Variants in FAM171A1 observed in about 807,000 individuals in gnomAD.
FAM171A1 encodes family with sequence similarity 171 member A1.
A neutral mutation model predicts 74.9 loss-of-function variants in FAM171A1; 23 were observed. The ratio of observed to expected loss-of-function variants is 0.31; its 90% CI spans 0.22 to 0.44. The LOEUF is 0.44. Ranked by LOEUF, FAM171A1 falls within the 20% of genes least tolerant of loss-of-function variation. The probability of loss-of-function intolerance (pLI) is 1.00; values close to 1 mark genes in which losing one functional copy is unlikely to be tolerated. For missense variants in FAM171A1, 1,162 were observed against 1,159.2 expected (o/e 1.00, Z -0.03); for synonymous variants, 527 against 505.7 (o/e 1.04, Z -0.57).
In FAM171A1 at chr10:15,331,880, C is replaced by CATATATAT. The variant is rs71390031; in HGVS notation, c.97+39068_97+39075dup. ...GTGTGTATATATATGTGTGTGTATA[C>CATATATAT]ATATATATATATATATGAAACAATT... On this transcript the variant is annotated intron_variant, in intron 1 of 7. Coordinates refer to ENST00000378116, the MANE Select transcript of FAM171A1 (RefSeq NM_001010924.2). 2.0e-4 allele frequency among the ~76,000 whole-genome samples: 12 copies of CATATATAT among 59,676 alleles called. 1 individual carries two copies. In the Admixed American group the frequency reaches 2.2e-3, roughly 11 times the overall value. The allele number at this position is 59,676 out of a possible 152,430, so 39.1% of individuals were successfully genotyped here. A position where few individuals can be genotyped will look rare whatever the true frequency, so the allele number is the denominator to read the frequency against.
At chr10:15,292,376 C>T (rs970813279) in intron 1 of FAM171A1, among the ~76,000 whole-genome samples, 1 of 152,172 alleles carries the variant, frequency 6.6e-6, no homozygotes, top group African/African-American at 2.4e-5. Flanking sequence ...CATCTTTCTG[C>T]CATTCTTTCT....
intron 1 of FAM171A1, among the ~76,000 whole-genome samples, chr10:15,293,514 A>G (rs1442280589): frequency 6.7e-6 from 1 of 148,402 alleles, no homozygotes; most frequent in African/African-American, 2.5e-5. Flanking sequence ...AATGTGCCAG[A>G]AAGCAAAAAG....
chr10:15,287,341 C>G (rs1366475435), intron 1 of FAM171A1, among the ~76,000 whole-genome samples: 1 of 151,592 alleles, frequency 6.6e-6, no homozygotes, highest in African/African-American at 2.4e-5. Flanking sequence ...ATCTGCCCAC[C>G]TCAGCCTCCC....
At chr10:15,234,612 A>G (rs1009679449) in intron 5 of FAM171A1, among the ~76,000 whole-genome samples, 8 of 151,434 alleles carry the variant, frequency 5.3e-5, no homozygotes, top group African/African-American at 1.9e-4. Context: ...TAGCCTAGCG[A>G]CCAGTCTGAT....
chr10:15,351,495 T>C (rs1319318072), intron 1 of FAM171A1, among the ~76,000 whole-genome samples: 2 of 152,154 alleles, frequency 1.3e-5, no homozygotes, highest in African/African-American at 2.4e-5. Context: ...TGAAAGCACT[T>C]GAAAATCTAT....
At chr10:15,249,786 TTAA>T (rs1834485031) in intron 4 of FAM171A1, among the ~76,000 whole-genome samples, 1 of 152,234 alleles carries the variant, frequency 6.6e-6, no homozygotes, top group Non-Finnish European at 1.5e-5. Context: ...AGCCAAAGCT[TTAA>T]TGACTGCCTA....
chr10:15,224,586 C>T lies in FAM171A1; in HGVS notation c.755-3526G>A, dbSNP rs375076956. 8.5e-5 allele frequency among the ~76,000 whole-genome samples: 13 copies of T among 152,182 alleles called. No individual in the cohort carries two copies. In the South Asian group the frequency reaches 1.5e-3, roughly 17 times the overall value. On this transcript the variant is annotated intron_variant, in intron 5 of 7. Transcript: ENST00000378116. ...CTGGTGGGAGATAACTGAATCATGG[C>T]GGCAGGTCTTTCCTGTGCTGTTCTT...
upstream of FAM171A1, among the ~76,000 whole-genome samples, chr10:15,373,629 T>A (rs1564295686): frequency 6.6e-6 from 1 of 152,226 alleles, no homozygotes; most frequent in East Asian, 1.9e-4. Context: ...TACAGTTATA[T>A]AAGATGTTAC....
chr10:15,214,037 T>C lies in FAM171A1; in HGVS notation c.1551A>G (p.Glu517=). 1 of 1,614,154 alleles carries C rather than the reference T, an allele frequency of 6.2e-7. No homozygotes were observed. Among genetic ancestry groups the C allele is most frequent in the Non-Finnish European group, 8.5e-7 (1 of 1,180,018 alleles). Residue 517 remains glutamate (E), a synonymous_variant, in exon 8 of 8, where the codon GAA becomes GAG. Coordinates refer to ENST00000378116, the MANE Select transcript of FAM171A1 (RefSeq NM_001010924.2). The stretch of plus-strand genomic sequence containing the variant: ...GTGATGAAGGCGCGGGGTACAGATG[T>C]TCCTGAATGGTGAGTTTGCTTCCCG... ...ASTGSKLTIQ[E]HLYPAPSSPE...
upstream of FAM171A1, among the ~76,000 whole-genome samples, chr10:15,372,629 G>A (rs1836163214): frequency 6.6e-6 from 1 of 150,640 alleles, no homozygotes; most frequent in Non-Finnish European, 1.5e-5. Context: ...ACCTGGGAGT[G>A]GGGAGGTTGC....
At chr10:15,253,073 G>C (rs1588513392) in intron 4 of FAM171A1, among the ~76,000 whole-genome samples, 1 of 152,116 alleles carries the variant, frequency 6.6e-6, no homozygotes, top group East Asian at 1.9e-4. Flanking sequence ...GCACGATCTT[G>C]GCTCACTGCA....
At chr10:15,235,019 T>G (rs557814378) in intron 5 of FAM171A1, among the ~76,000 whole-genome samples, 4 of 152,010 alleles carry the variant, frequency 2.6e-5, no homozygotes, top group Non-Finnish European at 5.9e-5. Context: ...GGTTAAAAAG[T>G]AGCCCCTATG....
chr10:15,261,388 G>A (rs775404897), intron 3 of FAM171A1, among the ~76,000 whole-genome samples: 1 of 152,192 alleles, frequency 6.6e-6, no homozygotes, highest in Non-Finnish European at 1.5e-5. Context: ...CTGAATCAGA[G>A]TCAAGGAAAT....
At chr10:15,267,926 C>A (rs913497578) in intron 3 of FAM171A1, among the ~76,000 whole-genome samples, 1 of 152,170 alleles carries the variant, frequency 6.6e-6, no homozygotes, top group Non-Finnish European at 1.5e-5. Context: ...TAAAACCACA[C>A]ATTGCCTCCT....
intron 5 of FAM171A1, among the ~76,000 whole-genome samples, chr10:15,229,368 A>G (rs1474654076): frequency 6.6e-6 from 1 of 152,062 alleles, no homozygotes; most frequent in Non-Finnish European, 1.5e-5. Context: ...TAATCTTCTT[A>G]AGAGGTATGC....
chr10:15,265,868 G>C (rs1448691055), intron 3 of FAM171A1, among the ~76,000 whole-genome samples: 2 of 152,182 alleles, frequency 1.3e-5, no homozygotes, highest in African/African-American at 4.8e-5. Context: ...AGAACTCCCA[G>C]CTGGTGGGTT....
chr10:15,269,761 C>T (rs1459256203), intron 3 of FAM171A1, among the ~76,000 whole-genome samples: 4 of 152,184 alleles, frequency 2.6e-5, no homozygotes, highest in African/African-American at 7.2e-5. Context: ...GATGGTGGCA[C>T]ACAGAGTGGG....
chr10:15,226,512 C>T (rs1834109636), intron 5 of FAM171A1, among the ~76,000 whole-genome samples: 1 of 152,156 alleles, frequency 6.6e-6, no homozygotes, highest in Non-Finnish European at 1.5e-5. Flanking sequence ...CCCCCCAATC[C>T]CCACCACAGC....
At chr10:15,327,098 A>T (rs1835564773) in intron 1 of FAM171A1, among the ~76,000 whole-genome samples, 1 of 152,172 alleles carries the variant, frequency 6.6e-6, no homozygotes, top group Non-Finnish European at 1.5e-5. Context: ...CCCTTAAAAA[A>T]ATTAACCAAG....
Sources: gnomAD v4.1 joint callset for allele counts (sites outside exome capture counted in the v4.1 genomes callset) on GRCh38, gnomAD v4.1.1 for gene constraint, MANE v1.5 for transcripts, NCBI Gene and HGNC (gene_info 2026-07-23, HGNC 2026-07-21) for gene names.